The following EYS variants were observed in gnomAD, a reference collection of about 807,000 sequenced individuals.
EYS encodes EGF-like photoreceptor maintenance factor, also known as protein eyes shut homolog.
EYS carries 250 observed loss-of-function variants against 282.1 expected under a neutral mutation model. The ratio of observed to expected loss-of-function variants is 0.89; its 90% confidence interval spans 0.80 to 0.98. The LOEUF is 0.98. Among genes scored for constraint, EYS ranks in the 50% least tolerant of loss-of-function variants. The pLI is 0.00. For missense variants in EYS, 4,016 were observed against 3,709.0 expected (o/e 1.08, Z -2.15); for synonymous variants, 1,355 against 1,282.9 (o/e 1.06, Z -1.20).
In EYS at chr6:64,967,842, C is replaced by A. The variant is rs182348082; in HGVS notation, c.2260-21928G>T. ...GGCTGCTCCATCTTTTGGGTTTTCA[C>A]AATTCAGTCTTATTTCTTGTATAAT... On this transcript the variant is annotated intron_variant, in intron 14 of 42. Coordinates refer to ENST00000503581, the MANE Select transcript of EYS (RefSeq NM_001142800.2). Among the ~76,000 whole-genome samples the A allele has an allele frequency of 4.9e-3, 744 of 152,246 alleles. 8 individuals carry two copies. The highest frequency in any genetic ancestry group is 0.017 in the African/African-American group (705 of 41,552).
At chr6:64,707,189 T>A (rs781037036) in intron 22 of EYS, among the ~76,000 whole-genome samples, 1 of 152,012 alleles carries the variant, frequency 6.6e-6, no homozygotes, top group Admixed American at 6.6e-5. Context: ...ATAATGGCAT[T>A]TTCAGCAATC....
intron 22 of EYS, among the ~76,000 whole-genome samples, chr6:64,626,874 GA>G (rs2149857409): frequency 6.6e-6 from 1 of 152,304 alleles, no homozygotes; most frequent in South Asian, 2.1e-4. Context: ...TGAACTGTTT[GA>G]AAAGAAATAA....
At chr6:64,210,621 AACC>A (rs148104774) in intron 31 of EYS, among the ~76,000 whole-genome samples, 2,397 of 152,348 alleles carry the variant, frequency 0.016, 20 homozygotes, top group South Asian at 0.035. Context: ...AAACGACTCA[AACC>A]ACAACAGAAA....
chr6:65,171,317 G>T (rs560862409), intron 12 of EYS, among the ~76,000 whole-genome samples: 1 of 151,540 alleles, frequency 6.6e-6, no homozygotes, highest in East Asian at 2.0e-4. Context: ...CATCTACTAT[G>T]AACAGGTAAC....
chr6:64,223,509 G>A (rs901574606), intron 31 of EYS, among the ~76,000 whole-genome samples: 7 of 152,042 alleles, frequency 4.6e-5, no homozygotes, highest in East Asian at 1.9e-4. Flanking sequence ...ATATACCCCT[G>A]AAAAACTCTG....
chr6:64,147,673 T>C (rs1161057686), intron 31 of EYS, among the ~76,000 whole-genome samples: 3 of 152,170 alleles, frequency 2.0e-5, no homozygotes, highest in Non-Finnish European at 2.9e-5. Flanking sequence ...TTACCAGTCA[T>C]GTGACTGATC....
chr6:64,297,056 C>T (rs768046443), intron 30 of EYS, among the ~76,000 whole-genome samples: 1 of 152,140 alleles, frequency 6.6e-6, no homozygotes, highest in Non-Finnish European at 1.5e-5. Flanking sequence ...ACTTCTTAGT[C>T]ATGTGGCAGG....
chr6:63,868,424 G>T (rs1772720144), intron 35 of EYS, among the ~76,000 whole-genome samples: 1 of 151,914 alleles, frequency 6.6e-6, no homozygotes, highest in South Asian at 2.1e-4. Context: ...AGAACTAAAA[G>T]GACTCCTGCA....
intron 13 of EYS, among the ~76,000 whole-genome samples, chr6:65,054,438 C>A (rs1445580088): frequency 4.0e-5 from 6 of 151,876 alleles, no homozygotes; most frequent in Non-Finnish European, 8.8e-5. Context: ...AACCACATTG[C>A]AAGATAAAAA....
Position 64,591,429 on chromosome 6 carries a change from T to G in EYS, c.4438A>C (p.Arg1480=). The G allele has an allele frequency of 6.4e-7, 1 of 1,551,376 alleles. No individual in the cohort carries two copies. Among genetic ancestry groups the G allele is most frequent in the Non-Finnish European group, 8.7e-7 (1 of 1,146,788 alleles). Residue 1480 remains arginine, a synonymous_variant, in exon 26 of 43, where the codon AGA becomes CGA. Transcript: ENST00000503581. ...CTGAGCAATCTCCAGTGCTCTCTTC[T>G]TGAAATTAAAGAATCAGCTGAATAT... is the stretch of plus-strand genomic sequence containing the variant. ...EEYSADSLIS[R]REHWRLLSPS... is the part of the protein sequence containing the mutation.
At chr6:64,854,349 C>A (rs1011197704) in intron 19 of EYS, among the ~76,000 whole-genome samples, 1 of 151,896 alleles carries the variant, frequency 6.6e-6, no homozygotes, top group Non-Finnish European at 1.5e-5. Flanking sequence ...TGGAACCAAC[C>A]CAAATGTCCA....
intron 22 of EYS, among the ~76,000 whole-genome samples, chr6:64,673,018 T>C (rs899442102): frequency 6.6e-6 from 1 of 152,152 alleles, no homozygotes; most frequent in African/African-American, 2.4e-5. Context: ...ACTTCTATCT[T>C]TATAGTTAGT....
intron 8 of EYS, among the ~76,000 whole-genome samples, chr6:65,382,843 G>T (rs779062168): frequency 4.0e-5 from 6 of 151,820 alleles, no homozygotes; most frequent in Non-Finnish European, 5.9e-5. Context: ...CTAGATTAAG[G>T]GTGGGTCTCC....
intron 29 of EYS, among the ~76,000 whole-genome samples, chr6:64,357,440 C>T (rs1561949096): frequency 1.3e-5 from 2 of 151,606 alleles, no homozygotes; most frequent in Non-Finnish European, 3.0e-5. Context: ...ATTACCTATC[C>T]TTCTTTGCCA....
intron 26 of EYS, among the ~76,000 whole-genome samples, chr6:64,486,136 A>G (rs1776574992): frequency 6.6e-6 from 1 of 151,506 alleles, no homozygotes; most frequent in Non-Finnish European, 1.5e-5. Context: ...TAGAAATAAA[A>G]AGGTTAAATA....
chr6:64,509,919 A>C (rs1777331049), intron 26 of EYS, among the ~76,000 whole-genome samples: 1 of 152,118 alleles, frequency 6.6e-6, no homozygotes. Flanking sequence ...CTCCCACACA[A>C]ATTTTAGTGA....
At chr6:65,096,680 T>C (rs1340389223) in intron 12 of EYS, among the ~76,000 whole-genome samples, 2 of 150,962 alleles carry the variant, frequency 1.3e-5, no homozygotes, top group Non-Finnish European at 3.0e-5. Context: ...ATAGACAGCC[T>C]GGAAATAAAC....
intron 12 of EYS, among the ~76,000 whole-genome samples, chr6:65,229,626 G>A (rs1157539510): frequency 6.6e-6 from 1 of 151,908 alleles, no homozygotes; most frequent in African/African-American, 2.4e-5. Context: ...GTTTTAGATT[G>A]AAAGAAGAGA....
At chr6:65,313,190 G>GGCCTAT (rs1177016351) in intron 11 of EYS, among the ~76,000 whole-genome samples, 1 of 151,920 alleles carries the variant, frequency 6.6e-6, no homozygotes, top group African/African-American at 2.4e-5. Flanking sequence ...AGTCACCCGG[G>GGCCTAT]GCCTATTCTT....
Sources: allele counts gnomAD v4.1 joint callset (sites outside exome capture counted in the v4.1 genomes callset), GRCh38; gene constraint gnomAD v4.1.1; transcripts MANE v1.5; gene names NCBI Gene and HGNC (gene_info 2026-07-23, HGNC 2026-07-21).